The following GPC5 variants were observed in gnomAD, a reference collection of about 807,000 sequenced individuals.
GPC5 encodes the protein glypican 5, also known as glypican-5.
GPC5 carries 47 observed loss-of-function variants against 53.9 expected under a neutral mutation model. The ratio of observed to expected loss-of-function variants is 0.87; its 90% CI spans 0.69 to 1.11. The LOEUF is 1.11. Among genes scored for constraint, GPC5 ranks in the 50% most tolerant of loss-of-function variants. The pLI is 0.00. For missense variants in GPC5, 748 were observed against 713.1 expected (o/e 1.05, Z -0.56); for synonymous variants, 286 against 263.3 (o/e 1.09, Z -0.84).
chr13:91,790,290 A>G (rs1371142021), intron 5 of GPC5, among the ~76,000 whole-genome samples: 2 of 152,214 alleles, frequency 1.3e-5, no homozygotes, highest in East Asian at 3.8e-4. Context: ...CTCTTGAGAA[A>G]TAGCTATTAA....
intron 2 of GPC5, among the ~76,000 whole-genome samples, chr13:91,690,986 C>T (rs1364754600): frequency 1.3e-5 from 2 of 152,100 alleles, no homozygotes; most frequent in Admixed American, 6.6e-5. Context: ...ATTTGTGACC[C>T]ACTTCGCGGT....
In GPC5 at chr13:91,952,542, G is replaced by A. The variant is rs765396773; in HGVS notation, c.1401+44485G>A. ...TAGTGTAATAAGCAGTATGTTTGCA[G>A]AGATATATAAACAAACCAGAAACCT... On this transcript the variant is annotated intron_variant, in intron 6 of 7. Transcript: ENST00000377067. 5.9e-5 allele frequency among the ~76,000 whole-genome samples: 9 copies of A among 152,194 alleles called. No homozygotes were observed. The South Asian group carries it at 1.0e-3, about 18-fold the overall frequency.
intron 2 of GPC5, among the ~76,000 whole-genome samples, chr13:91,625,162 T>G (rs1361825368): frequency 6.6e-6 from 1 of 151,062 alleles, no homozygotes; most frequent in Non-Finnish European, 1.5e-5. Flanking sequence ...AGAAAGGGCA[T>G]AAAACTACAT....
chr13:91,759,204 G>A (rs1302935973), intron 5 of GPC5, among the ~76,000 whole-genome samples: 4 of 151,880 alleles, frequency 2.6e-5, no homozygotes, highest in African/African-American at 7.3e-5. Context: ...TTTAATTTTA[G>A]TCATGACTCA....
At chr13:92,857,355 T>C (rs186666157) in intron 7 of GPC5, among the ~76,000 whole-genome samples, 6 of 152,054 alleles carry the variant, frequency 3.9e-5, no homozygotes, top group African/African-American at 1.2e-4. Context: ...GACCTCAAAG[T>C]ATAAAAATCC....
At chr13:92,319,203 A>G (rs1456219381) in intron 7 of GPC5, among the ~76,000 whole-genome samples, 1 of 152,158 alleles carries the variant, frequency 6.6e-6, no homozygotes, top group Admixed American at 6.6e-5. Context: ...ATTTCTAACA[A>G]GTGAGGATTT....
intron 7 of GPC5, among the ~76,000 whole-genome samples, chr13:92,680,486 A>G (rs148121094): frequency 6.6e-6 from 1 of 152,308 alleles, no homozygotes; most frequent in African/African-American, 2.4e-5. Flanking sequence ...AGAGAAAGTG[A>G]AGCAAAAAGA....
chr13:91,526,423 A>G (rs1404076112), intron 2 of GPC5, among the ~76,000 whole-genome samples: 1 of 152,228 alleles, frequency 6.6e-6, no homozygotes, highest in East Asian at 1.9e-4. Flanking sequence ...TGAAATGCAG[A>G]GAAGGAAGCA....
chr13:91,910,406 C>A (rs2039598674), intron 6 of GPC5, among the ~76,000 whole-genome samples: 2 of 152,246 alleles, frequency 1.3e-5, no homozygotes, highest in South Asian at 4.1e-4. Flanking sequence ...GAATAGGTTT[C>A]AGATCCTAGT....
chr13:92,866,068 T>C (rs1416342266), intron 7 of GPC5, among the ~76,000 whole-genome samples: 1 of 152,154 alleles, frequency 6.6e-6, no homozygotes, highest in Non-Finnish European at 1.5e-5. Flanking sequence ...CACTTTGCTC[T>C]TATAATATTT....
intron 7 of GPC5, among the ~76,000 whole-genome samples, chr13:92,422,676 A>G (rs189170082): frequency 2.0e-5 from 3 of 152,284 alleles, no homozygotes; most frequent in Admixed American, 6.5e-5. Flanking sequence ...GCTGGTTCTC[A>G]CTAGTCTTTC....
At chr13:91,414,802 C>T (rs141427801) in intron 1 of GPC5, among the ~76,000 whole-genome samples, 8 of 152,194 alleles carry the variant, frequency 5.3e-5, no homozygotes, top group East Asian at 1.9e-4. Context: ...AGGAGGGTGT[C>T]GCCTTATAAA....
At chr13:92,747,317 G>T (rs1889264116) in intron 7 of GPC5, among the ~76,000 whole-genome samples, 1 of 152,076 alleles carries the variant, frequency 6.6e-6, no homozygotes, top group Non-Finnish European at 1.5e-5. Context: ...AAGACCAGTG[G>T]TATTCTCTTG....
At position 91,848,090 on chromosome 13, in the gene GPC5, C is replaced by A. The variant is rs375848676; in HGVS notation, c.1281-59847C>A. ...TCACAGTGATGGAATGGGCTGCTGC[C>A]TTTCAGGCCTAAACTTTTCACATAA... is the stretch of plus-strand genomic sequence containing the variant. On this transcript the variant is annotated intron_variant, in intron 5 of 7. Coordinates refer to ENST00000377067, the MANE Select transcript of GPC5 (RefSeq NM_004466.6). Among the ~76,000 whole-genome samples, 4 of 152,186 alleles carry A rather than the reference C, an allele frequency of 2.6e-5. 1 individual carries two copies. In the East Asian group the frequency reaches 7.7e-4, roughly 29 times the overall value.
At chr13:92,369,063 C>A (rs1005605377) in intron 7 of GPC5, among the ~76,000 whole-genome samples, 1 of 152,168 alleles carries the variant, frequency 6.6e-6, no homozygotes, top group Non-Finnish European at 1.5e-5. Flanking sequence ...TTCACAATAA[C>A]AAATAAGATG....
intron 7 of GPC5, among the ~76,000 whole-genome samples, chr13:92,818,733 A>T (rs990634179): frequency 6.6e-6 from 1 of 151,982 alleles, no homozygotes; most frequent in Non-Finnish European, 1.5e-5. Context: ...ACTTGACAGG[A>T]ACAGCTTGAG....
chr13:92,772,182 T>C (rs143972336), intron 7 of GPC5, among the ~76,000 whole-genome samples: 2 of 152,294 alleles, frequency 1.3e-5, no homozygotes, highest in East Asian at 3.9e-4. Flanking sequence ...CCCACTTCCC[T>C]GATTCCAACC....
At chr13:92,076,639 C>T (rs2041254525) in intron 6 of GPC5, among the ~76,000 whole-genome samples, 1 of 150,950 alleles carries the variant, frequency 6.6e-6, no homozygotes, top group African/African-American at 2.5e-5. Context: ...CATGAATTCT[C>T]ATCAGATGGA....
At chr13:92,067,685 A>T (rs1312298990) in intron 6 of GPC5, among the ~76,000 whole-genome samples, 1 of 152,030 alleles carries the variant, frequency 6.6e-6, no homozygotes, top group Non-Finnish European at 1.5e-5. Flanking sequence ...AAATTCAGAA[A>T]TGAAAGCAAT....
Sources: allele counts gnomAD v4.1 joint callset (sites outside exome capture counted in the v4.1 genomes callset), GRCh38; gene constraint gnomAD v4.1.1; transcripts MANE v1.5; gene names NCBI Gene and HGNC (gene_info 2026-07-23, HGNC 2026-07-21).